Variants in SLC8A1 observed in about 807,000 individuals in gnomAD.
The protein encoded by SLC8A1 is sodium/calcium exchanger 1.
Under a neutral mutation model 68.3 loss-of-function variants are expected in SLC8A1, and 18 were observed. The ratio of observed to expected loss-of-function variants is 0.26; its 90% CI spans 0.18 to 0.39. SLC8A1 has a LOEUF of 0.39. SLC8A1 is among the 10% of genes least tolerant of loss of function. The pLI, the probability that SLC8A1 is intolerant of heterozygous loss-of-function variation, is 1.00. For synonymous variants in SLC8A1, 475 were observed against 415.5 expected (o/e 1.14, Z -1.74); for missense variants, 985 against 1,156.7 (o/e 0.85, Z 2.15).
In SLC8A1 at chr2:40,319,108, A is replaced by G. The variant is rs527658039; in HGVS notation, c.1808+109365T>C. 2.3e-4 allele frequency among the ~76,000 whole-genome samples: 35 copies of G among 152,214 alleles called. No homozygotes were observed. The South Asian group carries it at 2.5e-3, about 11-fold the overall frequency. ...CAATGAGAAAGCCTTAATTCCTGGC[A>G]TATTTCTGTTAACAGGCAGTGTGGG... On this transcript the variant is annotated intron_variant, in intron 2 of 7. Coordinates refer to ENST00000406785, the Ensembl canonical transcript of SLC8A1.
intron 3 of SLC8A1, among the ~76,000 whole-genome samples, chr2:40,175,594 A>G (rs977746763): frequency 6.6e-6 from 1 of 152,100 alleles, no homozygotes; most frequent in Non-Finnish European, 1.5e-5. Flanking sequence ...GTTTATACCT[A>G]GTATGTAAAT....
chr2:40,127,215 A>G (rs866232735), intron 7 of SLC8A1, among the ~76,000 whole-genome samples: 2 of 152,200 alleles, frequency 1.3e-5, no homozygotes. Context: ...GTTCAGTTAT[A>G]GAAGCTATAG....
intron 2 of SLC8A1, among the ~76,000 whole-genome samples, chr2:40,257,028 A>G (rs992237293): frequency 1.7e-4 from 26 of 151,644 alleles, no homozygotes; most frequent in East Asian, 3.9e-4. Flanking sequence ...AAATAAATAA[A>G]TAAATAAATA....
chr2:40,435,334 C>T (rs1246579976), intron 1 of SLC8A1, among the ~76,000 whole-genome samples: 1 of 152,150 alleles, frequency 6.6e-6, no homozygotes, highest in Non-Finnish European at 1.5e-5. Flanking sequence ...AGGCTTTTCT[C>T]ATCTGACCAT....
chr2:40,191,253 T>G (rs952034534), intron 2 of SLC8A1, among the ~76,000 whole-genome samples: 1 of 152,204 alleles, frequency 6.6e-6, no homozygotes, highest in African/African-American at 2.4e-5. Flanking sequence ...ATGTACCCAC[T>G]AACTGTGGAC....
At chr2:40,398,866 C>A (rs115510828) in intron 2 of SLC8A1, among the ~76,000 whole-genome samples, 1 of 152,286 alleles carries the variant, frequency 6.6e-6, no homozygotes, top group Non-Finnish European at 1.5e-5. Flanking sequence ...TTCCCTTGGC[C>A]TAGGAAGAAG....
chr2:40,481,345 G>C (rs996783573), intron 1 of SLC8A1, among the ~76,000 whole-genome samples: 2 of 152,182 alleles, frequency 1.3e-5, no homozygotes, highest in African/African-American at 4.8e-5. Context: ...TGTTAAAGAA[G>C]ACAAAAGAGA....
intron 2 of SLC8A1, among the ~76,000 whole-genome samples, chr2:40,384,243 C>A (rs989624187): frequency 4.6e-5 from 7 of 151,930 alleles, no homozygotes; most frequent in African/African-American, 1.7e-4. Flanking sequence ...GGAGACCGAG[C>A]AAGACCCTGT....
chr2:40,442,120 A>C (rs1700603056), intron 1 of SLC8A1, among the ~76,000 whole-genome samples: 2 of 151,390 alleles, frequency 1.3e-5, no homozygotes. Context: ...TAATGCGTGC[A>C]GCACACCAGC....
At chr2:40,245,525 C>G (rs1413678996) in intron 2 of SLC8A1, among the ~76,000 whole-genome samples, 1 of 152,114 alleles carries the variant, frequency 6.6e-6, no homozygotes, top group Non-Finnish European at 1.5e-5. Context: ...CTTTTGGACA[C>G]TCTGACTCTG....
intron 2 of SLC8A1, among the ~76,000 whole-genome samples, chr2:40,229,216 G>A (rs447136): frequency 0.73 from 110,919 of 151,962 alleles, 41,253 homozygotes; most frequent in Middle Eastern, 0.84. Context: ...TTGAGTGGAA[G>A]AGGTATCAAT....
At chr2:40,145,149 T>C (rs1156329096) in intron 6 of SLC8A1, among the ~76,000 whole-genome samples, 1 of 151,890 alleles carries the variant, frequency 6.6e-6, no homozygotes, top group East Asian at 1.9e-4. Flanking sequence ...TTTTCAAACA[T>C]ATATATTTTC....
At chr2:40,120,517 C>G (rs946888128) in intron 7 of SLC8A1, among the ~76,000 whole-genome samples, 8 of 152,186 alleles carry the variant, frequency 5.3e-5, no homozygotes, top group African/African-American at 1.9e-4. Flanking sequence ...CTCTAAGACT[C>G]TTTCTAACTT....
intron 2 of SLC8A1, among the ~76,000 whole-genome samples, chr2:40,322,184 A>G (rs143222292): frequency 7.7e-4 from 117 of 152,288 alleles, no homozygotes; most frequent in African/African-American, 2.7e-3. Flanking sequence ...GTGGTTTTGC[A>G]TAGTAAGAAA....
chr2:40,253,393 G>C (rs2063322273), intron 2 of SLC8A1, among the ~76,000 whole-genome samples: 1 of 151,496 alleles, frequency 6.6e-6, no homozygotes. Flanking sequence ...CCTGTCATTT[G>C]CAGCAACATG....
chr2:40,428,573 C>G (rs1338692333), exon 2 of SLC8A1: 1 of 1,613,874 alleles, frequency 6.2e-7, no homozygotes, highest in Non-Finnish European at 8.5e-7. Flanking sequence ...GGAACGATAA[C>G]ATTTCCTCGA....
chr2:40,382,454 T>C (rs1682158318), intron 2 of SLC8A1, among the ~76,000 whole-genome samples: 1 of 152,132 alleles, frequency 6.6e-6, no homozygotes, highest in Non-Finnish European at 1.5e-5. Context: ...CATAATTTGA[T>C]TAAATATTAT....
chr2:40,346,441 G>T (rs1559333478), intron 2 of SLC8A1, among the ~76,000 whole-genome samples: 1 of 152,054 alleles, frequency 6.6e-6, no homozygotes. Context: ...AGCATCTCTG[G>T]GCAGAGGACT....
chr2:40,159,346 G>A (rs2045242439), intron 6 of SLC8A1, among the ~76,000 whole-genome samples: 1 of 152,158 alleles, frequency 6.6e-6, no homozygotes. Context: ...ATAGAAAAAC[G>A]AAGGAATGAT....
Sources: allele counts gnomAD v4.1 joint callset (sites outside exome capture counted in the v4.1 genomes callset), GRCh38; gene constraint gnomAD v4.1.1; transcripts MANE v1.5; gene names NCBI Gene and HGNC (gene_info 2026-07-23, HGNC 2026-07-21).